KIF13A: variants seen among roughly 807,000 people sequenced by gnomAD.
KIF13A encodes kinesin family member 13A, also known as kinesin-like protein KIF13A.
In KIF13A, 79 loss-of-function variants were observed where a neutral mutation model predicts 212.2. The ratio of observed to expected loss-of-function variants is 0.37; its 90% CI spans 0.31 to 0.45. KIF13A has a LOEUF of 0.45. KIF13A is among the 20% of genes least tolerant of loss of function. The probability of loss-of-function intolerance (pLI) is 1.00; values close to 1 mark genes in which losing one functional copy is unlikely to be tolerated. For synonymous variants in KIF13A, 789 were observed against 808.6 expected, an observed-to-expected ratio of 0.98 and a Z score of 0.41; for missense variants, 1,901 against 2,209.0, an observed-to-expected ratio of 0.86 and a Z score of 2.79.
chr6:17,889,702 A>G (rs1328842270), intron 3 of KIF13A, among the ~76,000 whole-genome samples: 1 of 152,142 alleles, frequency 6.6e-6, no homozygotes, highest in Non-Finnish European at 1.5e-5. Context: ...GCCCCTGAGG[A>G]CACCAAAATC....
In KIF13A at chr6:17,771,081, A is replaced by G. The variant is rs755944395; in HGVS notation, c.4581+33T>C. ...GTGAAAGGGCCTTAAACCCACCACC[A>G]GGCAATATGACAGAAATGGTTCCGG... On this transcript the variant is annotated intron_variant, in intron 38 of 38. Coordinates refer to ENST00000259711, the MANE Select transcript of KIF13A (RefSeq NM_022113.6). This position sits in a 1 kb window ranked among gnomAD's most constrained non-coding sequence, Gnocchi z 5.4. 1.4e-6 allele frequency: 2 copies of G among 1,426,690 alleles called. No individual in the cohort carries two copies. The highest frequency in any genetic ancestry group is 2.0e-6 in the Non-Finnish European group (2 of 1,018,664). 88.4% of individuals were successfully genotyped at this position (1,426,690 alleles called of 1,614,324 possible).
Position 17,850,514 on chromosome 6 carries a change from C to T in KIF13A, c.583-57G>A, listed in dbSNP as rs1435665568. 3.9e-6 allele frequency: 6 copies of T among 1,519,352 alleles called. No individual in the cohort carries two copies. Among genetic ancestry groups the T allele is most frequent in the Non-Finnish European group, 5.3e-6 (6 of 1,122,508 alleles). The allele number at this position is 1,519,352 out of a possible 1,614,324, so 94.1% of individuals were successfully genotyped here. A position where few individuals can be genotyped will look rare whatever the true frequency, so the allele number is the denominator to read the frequency against. On this transcript the variant is annotated intron_variant, in intron 7 of 38. Coordinates refer to ENST00000259711, the MANE Select transcript of KIF13A (RefSeq NM_022113.6). The surrounding 1 kb of genome is among the most constrained non-coding windows in gnomAD (Gnocchi z 6.2). ...GCAAAAACACAAGAATGTAGTCCTG[C>T]ACACCAGGTATATGTATTAATTATG...
Position 17,971,867 on chromosome 6 carries a change from A to T in KIF13A, c.146+15187T>A, listed in dbSNP as rs149620755. Among the ~76,000 whole-genome samples the T allele has an allele frequency of 5.7e-3, 868 of 152,290 alleles. 5 individuals carry two copies. The highest frequency in any genetic ancestry group is 0.02 in the African/African-American group (817 of 41,558). ...AAGGGCAGCTAACAGTCACTCTTGGAGGGAAAAAAACCAAAACTAGTTAAA... is the reference window on the plus strand; with the variant it reads ...AAGGGCAGCTAACAGTCACTCTTGGTGGGAAAAAAACCAAAACTAGTTAAA... On this transcript the variant is annotated intron_variant, in intron 2 of 38. Coordinates refer to ENST00000259711, the MANE Select transcript of KIF13A (RefSeq NM_022113.6). This position sits in a 1 kb window ranked among gnomAD's most constrained non-coding sequence, Gnocchi z 4.2.
chr6:17,883,980 CA>C lies in KIF13A; in HGVS notation c.160-10544del, dbSNP rs950309821. On this transcript the variant is annotated intron_variant, in intron 3 of 38. Coordinates refer to ENST00000259711, the MANE Select transcript of KIF13A (RefSeq NM_022113.6). This position sits in a 1 kb window ranked among gnomAD's most constrained non-coding sequence, Gnocchi z 4.8. ...AAAGAGAAGGAAATCATAATAATAA[CA>C]AAAAAAGAGAAAGGAATGTAGAACT... is the stretch of plus-strand genomic sequence containing the variant. 6.6e-6 allele frequency among the ~76,000 whole-genome samples: 1 copy of C among 151,966 alleles called. No individual in the cohort carries two copies. Among genetic ancestry groups the C allele is most frequent in the South Asian group, 2.1e-4 (1 of 4,812 alleles).
chr6:17,859,959 A>T (rs1168628942), intron 4 of KIF13A, among the ~76,000 whole-genome samples: 1 of 151,984 alleles, frequency 6.6e-6, no homozygotes, highest in African/African-American at 2.4e-5. Context: ...AGTAGGTATG[A>T]ATTATGACTG....
intron 12 of KIF13A, among the ~76,000 whole-genome samples, chr6:17,831,661 T>G (rs771335046): frequency 1.3e-5 from 2 of 149,272 alleles, no homozygotes; most frequent in Non-Finnish European, 3.0e-5. Context: ...AATATAAAGA[T>G]AGGGTGTTCT....
chr6:17,900,589 A>T lies in KIF13A; in HGVS notation c.147-2409T>A, dbSNP rs144622783. Among the ~76,000 whole-genome samples the T allele has an allele frequency of 6.6e-6, 1 of 152,344 alleles. No individual in the cohort carries two copies. The highest frequency in any genetic ancestry group is 1.5e-5 in the Non-Finnish European group (1 of 68,036). ...CTGCTGCTACCCAAACTTACTCATC[A>T]TTCATTTTAGAACAAGGACCCTTGC... On this transcript the variant is annotated intron_variant, in intron 2 of 38. Coordinates refer to ENST00000259711, the MANE Select transcript of KIF13A (RefSeq NM_022113.6). The surrounding 1 kb of genome is among the most constrained non-coding windows in gnomAD (Gnocchi z 4.6).
At chr6:17,959,930 G>A (rs900092673) in intron 2 of KIF13A, among the ~76,000 whole-genome samples, 1 of 151,926 alleles carries the variant, frequency 6.6e-6, no homozygotes, top group Non-Finnish European at 1.5e-5. Flanking sequence ...GCTGAGGCAG[G>A]AGAATCGCTT....
rs1772182898 is a variant in KIF13A at position 17,892,795 on chromosome 6, A to C, written c.159+5373T>G. On this transcript the variant is annotated intron_variant, in intron 3 of 38. Transcript: ENST00000259711. This position sits in a 1 kb window ranked among gnomAD's most constrained non-coding sequence, Gnocchi z 4.7. Reference sequence around the variant, plus strand: ...AGGGCAGTACACACAGAAAGGGCAGAGAGGCTTCATGCTGCCTTGCCCTAT... The same window carrying C: ...AGGGCAGTACACACAGAAAGGGCAGCGAGGCTTCATGCTGCCTTGCCCTAT... 6.6e-6 allele frequency among the ~76,000 whole-genome samples: 1 copy of C among 152,236 alleles called. No individual in the cohort carries two copies. Among genetic ancestry groups the C allele is most frequent in the South Asian group, 2.1e-4 (1 of 4,836 alleles).
Position 17,799,344 on chromosome 6 carries a change from A to G in KIF13A, c.2712T>C (p.Ala904=), listed in dbSNP as rs3734235. 0.23 allele frequency: 375,017 copies of G among 1,610,942 alleles called. 45,534 individuals carry two copies. Among genetic ancestry groups the G allele is most frequent in the South Asian group, 0.34 (31,222 of 90,502 alleles). The part of the protein sequence containing the change: ...TFWDQCESTV[A]APVVDPEVPS... The stretch of plus-strand genomic sequence containing the variant: ...GCACCTCGGGGTCCACCACCGGGGC[A>G]GCCACCGTAGACTCACACTGGTCCC... The change falls in exon 22 of 39, where the codon GCT becomes GCC. Residue 904 remains alanine, a synonymous_variant. Transcript: ENST00000259711. This position sits in a 1 kb window ranked among gnomAD's most constrained non-coding sequence, Gnocchi z 4.4.
rs34962687 is a variant in KIF13A at position 17,795,596 on chromosome 6, C to CAA, written c.2943-894_2943-893dup. On this transcript the variant is annotated intron_variant, in intron 23 of 38. Transcript: ENST00000259711. ...TGGGAGACAGAGCAAGACTCCATCT[C>CAA]AAAAAAAAAAAAAAAGAACATTGTG... 9.4e-3 allele frequency among the ~76,000 whole-genome samples: 1,239 copies of CAA among 132,212 alleles called. 17 individuals carry two copies. Among genetic ancestry groups the CAA allele is most frequent in the Non-Finnish European group, 0.014 (906 of 63,364 alleles). 86.7% of individuals were successfully genotyped at this position (132,212 alleles called of 152,430 possible). A position where few individuals can be genotyped will look rare whatever the true frequency, so the allele number is the denominator to read the frequency against.
At chr6:17,847,187 C>T (rs867711315) in intron 9 of KIF13A, among the ~76,000 whole-genome samples, 46 of 152,192 alleles carry the variant, frequency 3.0e-4, no homozygotes, top group African/African-American at 1.1e-3. Flanking sequence ...CAAGCCCCAC[C>T]GGCAGGCATG....
At chr6:17,866,795 T>A in intron 4 of KIF13A, among the ~76,000 whole-genome samples, 1 of 137,258 alleles carries the variant, frequency 7.3e-6, no homozygotes, top group Non-Finnish European at 1.5e-5. Flanking sequence ...GGATAAAAAA[T>A]AGGTGAGTAA....
At position 17,886,159 on chromosome 6, in the gene KIF13A, G is replaced by T. The variant is rs1265657267; in HGVS notation, c.159+12009C>A. The stretch of plus-strand genomic sequence containing the variant: ...AAAATGAGAAGAAAAATAAAACCTA[G>T]ATTAAATCTGAGTCATGCTAATATC... On this transcript the variant is annotated intron_variant, in intron 3 of 38. Coordinates refer to ENST00000259711, the MANE Select transcript of KIF13A (RefSeq NM_022113.6). The surrounding 1 kb of genome is among the most constrained non-coding windows in gnomAD (Gnocchi z 5.6). Among the ~76,000 whole-genome samples, 1 of 152,176 alleles carries T rather than the reference G, an allele frequency of 6.6e-6. No individual in the cohort carries two copies.
intron 2 of KIF13A, among the ~76,000 whole-genome samples, chr6:17,959,547 G>C (rs1196947590): frequency 1.3e-5 from 2 of 152,134 alleles, no homozygotes; most frequent in Non-Finnish European, 2.9e-5. Context: ...GATAGAAACA[G>C]GCAGTCAGTG....
chr6:17,812,737 C>T (rs1182422704), intron 17 of KIF13A: 1 of 152,174 alleles, frequency 6.6e-6, no homozygotes, highest in Non-Finnish European at 1.5e-5. Context: ...GTTTTTAGCT[C>T]TTTAAAAAAT....
chr6:17,958,876 C>CTTT (rs398000716), intron 2 of KIF13A, among the ~76,000 whole-genome samples: 23 of 83,082 alleles, frequency 2.8e-4, no homozygotes, highest in Middle Eastern at 0.014. Context: ...TTTTCTTTTT[C>CTTT]TTTTTTTTTT....
chr6:17,836,368 A>T (rs1765950643), intron 11 of KIF13A, among the ~76,000 whole-genome samples: 1 of 152,232 alleles, frequency 6.6e-6, no homozygotes, highest in African/African-American at 2.4e-5. Flanking sequence ...GAAAGTTCAA[A>T]GGCCAACTGA....
chr6:17,791,318 T>A (rs1308693617), intron 25 of KIF13A, among the ~76,000 whole-genome samples: 1 of 152,166 alleles, frequency 6.6e-6, no homozygotes, highest in Non-Finnish European at 1.5e-5. Context: ...ATGAAATTGT[T>A]GCAAAACCAG....
Sources: gnomAD v4.1 joint callset for allele counts (sites outside exome capture counted in the v4.1 genomes callset) on GRCh38, gnomAD v4.1.1 for gene constraint, Gnocchi (gnomAD v3.1) non-coding constraint, MANE v1.5 for transcripts, NCBI Gene and HGNC (gene_info 2026-07-23, HGNC 2026-07-21) for gene names.